The following AGBL1 variants were observed in gnomAD, a reference collection of about 807,000 sequenced individuals.
AGBL1 encodes the protein AGBL carboxypeptidase 1, also known as cytosolic carboxypeptidase 4.
Under a neutral mutation model 118.9 loss-of-function variants are expected in AGBL1, and 130 were observed. That is an observed-to-expected ratio of 1.09 (90% CI 0.95 to 1.26). The LOEUF is 1.26. Ranked by LOEUF, AGBL1 falls within the 50% of genes most tolerant of loss-of-function variation. AGBL1 has a pLI of 0.00. For missense variants in AGBL1, 1,584 were observed against 1,298.1 expected (o/e 1.22, Z -3.38); for synonymous variants, 555 against 478.9 (o/e 1.16, Z -2.08).
At chr15:86,134,940 G>A (rs1246994575) in intron 1 of AGBL1, among the ~76,000 whole-genome samples, 1 of 151,200 alleles carries the variant, frequency 6.6e-6, no homozygotes, top group African/African-American at 2.4e-5. Context: ...TTTTAACAGT[G>A]TTTGACTGCT....
At chr15:86,141,180 C>T (rs28634030) in intron 1 of AGBL1, among the ~76,000 whole-genome samples, 2 of 152,146 alleles carry the variant, frequency 1.3e-5, no homozygotes, top group South Asian at 2.1e-4. Context: ...TCAGGGTTCT[C>T]TTCTGTATAA....
chr15:86,777,624 T>A (rs1596472240), intron 22 of AGBL1, among the ~76,000 whole-genome samples: 1 of 152,276 alleles, frequency 6.6e-6, no homozygotes, highest in East Asian at 1.9e-4. Context: ...ATATATCTGT[T>A]TTTATTTATA....
In AGBL1 at chr15:86,397,380, C is replaced by G. The variant is rs1474671302; in HGVS notation, c.2389C>G (p.Gln797Glu). Residue 797 changes from glutamine (Q) to glutamate (E), a missense_variant, in exon 18 of 23, where the codon CAG becomes GAG. Transcript: ENST00000614907. ...HLEQFRHRPY[Q>E]VITARVHPGE... ...TTTTTCTGCAGGACATCGTCCATATCAGGTGATCACTGCTCGAGTTCATCC... is the reference window on the plus strand; with the variant it reads ...TTTTTCTGCAGGACATCGTCCATATGAGGTGATCACTGCTCGAGTTCATCC... 3 of 1,597,884 alleles carry G rather than the reference C, an allele frequency of 1.9e-6. No homozygotes were observed. The highest frequency in any genetic ancestry group is 2.6e-6 in the Non-Finnish European group (3 of 1,170,378).
chr15:86,095,791 G>T (rs960042564), intron 1 of AGBL1, among the ~76,000 whole-genome samples: 1 of 151,476 alleles, frequency 6.6e-6, no homozygotes, highest in African/African-American at 2.4e-5. Flanking sequence ...AACATGTCCA[G>T]CATCCACTAC....
At chr15:86,368,289 A>T (rs1478552509) in intron 17 of AGBL1, among the ~76,000 whole-genome samples, 1 of 152,092 alleles carries the variant, frequency 6.6e-6, no homozygotes, top group East Asian at 1.9e-4. Context: ...AGGGAGAGAG[A>T]TAAACATAAA....
intron 23 of AGBL1, among the ~76,000 whole-genome samples, chr15:86,924,588 G>C (rs75096380): frequency 1.3e-5 from 2 of 152,292 alleles, no homozygotes; most frequent in East Asian, 3.9e-4. Context: ...AGAGAAAGAC[G>C]ACAGCTCTGA....
rs1177264209 is a variant in AGBL1, at chr15:86,791,728, T to TATATATA, written c.3159-115359_3159-115358insATATATA. 1.6e-4 allele frequency among the ~76,000 whole-genome samples: 23 copies of TATATATA among 142,898 alleles called. No homozygotes were observed. The East Asian group carries it at 2.3e-3, about 14-fold the overall frequency. 93.7% of individuals were successfully genotyped at this position (142,898 alleles called of 152,430 possible). ...TTCTGAACTCATCTTTCCTTGTTTT[T>TATATATA]TATATATATATATATATATATATTT... On this transcript the variant is annotated intron_variant, in intron 22 of 22. Coordinates refer to ENST00000614907, the MANE Select transcript of AGBL1 (RefSeq NM_001386094.1).
At chr15:86,922,863 C>A (rs62032648) in intron 23 of AGBL1, among the ~76,000 whole-genome samples, 1 of 152,010 alleles carries the variant, frequency 6.6e-6, no homozygotes, top group African/African-American at 2.4e-5. Flanking sequence ...TCTGAAGCAA[C>A]GGTTTAGATA....
At chr15:86,897,764 CTTTTTTTTTTTT>C in intron 22 of AGBL1, among the ~76,000 whole-genome samples, 1 of 80,652 alleles carries the variant, frequency 1.2e-5, no homozygotes, top group East Asian at 4.0e-4. Flanking sequence ...CATCTTTTAT[CTTTTTTTTTTTT>C]TTTTTTTTTT....
intron 21 of AGBL1, among the ~76,000 whole-genome samples, chr15:86,582,173 A>G (rs1316823884): frequency 6.6e-6 from 1 of 152,134 alleles, no homozygotes; most frequent in African/African-American, 2.4e-5. Flanking sequence ...AAAATCACCC[A>G]TTATTGAGAA....
intron 22 of AGBL1, among the ~76,000 whole-genome samples, chr15:86,862,725 A>G (rs1052964214): frequency 1.3e-5 from 2 of 151,982 alleles, no homozygotes; most frequent in African/African-American, 4.9e-5. Context: ...ATCTCCAAAC[A>G]AAAACAAAAA....
intron 22 of AGBL1, among the ~76,000 whole-genome samples, chr15:86,734,267 TA>T (rs1487153960): frequency 6.6e-6 from 1 of 152,146 alleles, no homozygotes; most frequent in Non-Finnish European, 1.5e-5. Flanking sequence ...GACTCTAAAG[TA>T]TATATTTCTG....
intron 22 of AGBL1, among the ~76,000 whole-genome samples, chr15:86,690,961 A>T (rs1395865708): frequency 1.3e-5 from 2 of 152,158 alleles, no homozygotes; most frequent in African/African-American, 4.8e-5. Flanking sequence ...GAAATGTATT[A>T]GCTATTGATG....
intron 7 of AGBL1, 29 bp downstream of exon 7, chr15:86,247,908 C>G: frequency 6.2e-7 from 1 of 1,609,802 alleles, no homozygotes; most frequent in Non-Finnish European, 8.5e-7. Context: ...CACTCTGCAG[C>G]TGGAGGCCAG....
intron 17 of AGBL1, among the ~76,000 whole-genome samples, chr15:86,313,473 C>G (rs559063015): frequency 2.4e-4 from 37 of 152,296 alleles, no homozygotes; most frequent in Middle Eastern, 3.4e-3. Context: ...TCTTTTCAAT[C>G]AATAACAATT....
intron 18 of AGBL1, among the ~76,000 whole-genome samples, chr15:86,407,430 A>G (rs942906764): frequency 1.3e-5 from 2 of 152,120 alleles, no homozygotes; most frequent in African/African-American, 2.4e-5. Context: ...GAGTGTTTCC[A>G]GCATAGAACT....
intron 1 of AGBL1, among the ~76,000 whole-genome samples, chr15:86,100,438 A>G (rs138573695): frequency 0.014 from 2,128 of 152,242 alleles, 34 homozygotes; most frequent in South Asian, 0.075. Context: ...CAGTGAAGCC[A>G]TCCAGTCCTG....
At chr15:86,138,888 T>C (rs950655605) in intron 1 of AGBL1, among the ~76,000 whole-genome samples, 1 of 152,216 alleles carries the variant, frequency 6.6e-6, no homozygotes, top group African/African-American at 2.4e-5. Context: ...AGGAAACTAA[T>C]TCCAGAGACT....
chr15:87,028,694 T>C lies in AGBL1; in HGVS notation c.3324-131T>C, dbSNP rs138898336. ...ATCTCTAATCTAAATGTAAGTATGA[T>C]TGTTTATAATCCATAGATGAGGAAA... On this transcript the variant is annotated intron_variant, in intron 24 of 24. Coordinates refer to the AGBL1 transcript ENST00000441037. 490 of 738,718 alleles carry C rather than the reference T, an allele frequency of 6.6e-4. 7 individuals are homozygous for C. Among genetic ancestry groups the C allele is most frequent in the Middle Eastern group, 1.4e-3 (5 of 3,596 alleles). 45.8% of individuals were successfully genotyped at this position (738,718 alleles called of 1,614,324 possible). A position where few individuals can be genotyped will look rare whatever the true frequency, so the allele number is the denominator to read the frequency against.
Sources: gnomAD v4.1 joint callset for allele counts (sites outside exome capture counted in the v4.1 genomes callset) on GRCh38, gnomAD v4.1.1 for gene constraint, MANE v1.5 for transcripts, NCBI Gene and HGNC (gene_info 2026-07-23, HGNC 2026-07-21) for gene names.